ADAMTS15: variants seen among roughly 807,000 people sequenced by gnomAD.
The protein encoded by ADAMTS15 is A disintegrin and metalloproteinase with thrombospondin motifs 15.
ADAMTS15 carries 35 observed loss-of-function variants against 79.1 expected under a neutral mutation model. The ratio of observed to expected loss-of-function variants is 0.44; its 90% confidence interval spans 0.34 to 0.59. The LOEUF is 0.59. ADAMTS15 is among the 20% of genes least tolerant of loss of function. The pLI, the probability that ADAMTS15 is intolerant of heterozygous loss-of-function variation, is 0.02. For missense variants in ADAMTS15, 1,324 were observed against 1,318.7 expected (o/e 1.00, Z -0.06); for synonymous variants, 616 against 567.3 (o/e 1.09, Z -1.22).
At position 130,462,653 on chromosome 11, in the gene ADAMTS15, G is replaced by C. The variant is rs990709513; in HGVS notation, c.1415G>C (p.Gly472Ala). 1 of 1,613,666 alleles carries C rather than the reference G, an allele frequency of 6.2e-7. No individual in the cohort carries two copies. The highest frequency in any genetic ancestry group is 1.3e-5 in the African/African-American group (1 of 75,050). ...TACTGCACCAAGCTGTGGTGCACCG[G>C]GAAGGCCAAGGGACAGATGGTGTGC... ...MQYCTKLWCTGKAKGQMVCQT... is the reference protein window; with the variant it reads ...MQYCTKLWCTAKAKGQMVCQT... The change falls in exon 4 of 8, where the codon GGG becomes GCG. Residue 472 changes from glycine (G) to alanine (A), a missense_variant. Coordinates refer to ENST00000299164, the MANE Select transcript of ADAMTS15 (RefSeq NM_139055.4). The surrounding 1 kb of genome is among the most constrained non-coding windows in gnomAD (Gnocchi z 4.3).
Position 130,471,080 on chromosome 11 carries a change from C to T in ADAMTS15, c.1881C>T (p.Tyr627=). The change falls in exon 6 of 8, where the codon TAC becomes TAT. Residue 627 remains tyrosine, a synonymous_variant. Coordinates refer to ENST00000299164, the MANE Select transcript of ADAMTS15 (RefSeq NM_139055.4). ...KLICRANGTG[Y]FYVLAPKVVD... ...TCTGCCGAGCCAATGGCACTGGCTACTTCTATGTGCTGGCACCCAAGGTGA... is the reference window on the plus strand; with the variant it reads ...TCTGCCGAGCCAATGGCACTGGCTATTTCTATGTGCTGGCACCCAAGGTGA... 6.2e-7 allele frequency: 1 copy of T among 1,613,758 alleles called. No homozygotes were observed. Among genetic ancestry groups the T allele is most frequent in the Non-Finnish European group, 8.5e-7 (1 of 1,179,852 alleles).
At chr11:130,468,086 G>A (rs1938340372) in intron 4 of ADAMTS15, among the ~76,000 whole-genome samples, 1 of 152,164 alleles carries the variant, frequency 6.6e-6, no homozygotes, top group Non-Finnish European at 1.5e-5. Context: ...AACAAATAAA[G>A]GGAATCTTTT....
Position 130,476,332 on chromosome 11 carries a change from T to TCA in ADAMTS15, c.*2511_*2512insCA. The TCA allele has an allele frequency of 6.6e-6, 1 of 152,286 alleles. No individual in the cohort carries two copies. The highest frequency in any genetic ancestry group is 2.1e-4 in the South Asian group (1 of 4,812). The allele number at this position is 152,286 out of a possible 1,614,324, so 9.4% of individuals were successfully genotyped here. A position where few individuals can be genotyped will look rare whatever the true frequency, so the allele number is the denominator to read the frequency against. Reference sequence around the variant, plus strand: ...CTCCTCTGCCCATCGCGTGCACTGATTGGAGGAGTCTGGCCCAAACACTCT... The same window carrying TCA: ...CTCCTCTGCCCATCGCGTGCACTGATCATGGAGGAGTCTGGCCCAAACACTCT... On this transcript the variant is annotated 3_prime_UTR_variant, in exon 8 of 8. Transcript: ENST00000299164.
At position 130,473,964 on chromosome 11, in the gene ADAMTS15, G is replaced by A; in HGVS notation, c.*143G>A. The A allele has an allele frequency of 8.3e-7, 1 of 1,199,822 alleles. No individual in the cohort carries two copies. Among genetic ancestry groups the A allele is most frequent in the South Asian group, 1.6e-5 (1 of 62,906 alleles). 74.3% of individuals were successfully genotyped at this position (1,199,822 alleles called of 1,614,324 possible). ...TCCGGGGACAAGGACCATGGGCTGG[G>A]GCGAGAGGTTCCCTCCTCCTCCCTG... On this transcript the variant is annotated 3_prime_UTR_variant, in exon 8 of 8. Transcript: ENST00000299164.
intron 5 of ADAMTS15, among the ~76,000 whole-genome samples, chr11:130,470,174 A>ACACATG (rs1938411857): frequency 4.7e-5 from 3 of 63,598 alleles, no homozygotes; most frequent in African/African-American, 3.0e-4. Context: ...ATATATATAT[A>ACACATG]TATATATGTG....
chr11:130,470,144 A>ACATG (rs1938397112), intron 5 of ADAMTS15, among the ~76,000 whole-genome samples: 2 of 64,838 alleles, frequency 3.1e-5, no homozygotes, highest in Non-Finnish European at 5.8e-5. Context: ...ATATATATAT[A>ACATG]TATATATGTG....
intron 5 of ADAMTS15, among the ~76,000 whole-genome samples, chr11:130,470,138 A>ATGTATATATATATATG: frequency 3.0e-5 from 2 of 66,944 alleles, no homozygotes; most frequent in East Asian, 6.6e-4. Flanking sequence ...ATATACATAT[A>ATGTATATATATATATG]TATATATATA....
intron 1 of ADAMTS15, among the ~76,000 whole-genome samples, chr11:130,460,359 C>A (rs1180144362): frequency 6.6e-6 from 1 of 151,930 alleles, no homozygotes; most frequent in Non-Finnish European, 1.5e-5. Flanking sequence ...TCACTGCAAC[C>A]TCTGCCTCCC....
intron 5 of ADAMTS15, among the ~76,000 whole-genome samples, chr11:130,470,200 A>ATATATATATG (rs1565397917): frequency 1.8e-5 from 1 of 56,522 alleles, no homozygotes; most frequent in African/African-American, 8.0e-5. Context: ...ATATATATAT[A>ATATATATATG]TATATATATG....
chr11:130,457,930 G>A (rs1327666564), intron 1 of ADAMTS15, among the ~76,000 whole-genome samples: 2 of 152,176 alleles, frequency 1.3e-5, no homozygotes, highest in African/African-American at 4.8e-5. Context: ...CAAGACGGCT[G>A]CTTCCAGAGC....
chr11:130,469,530 C>G, intron 5 of ADAMTS15, 91 bp downstream of exon 5: 1 of 1,025,058 alleles, frequency 9.8e-7, no homozygotes, highest in Non-Finnish European at 1.3e-6. Context: ...AATGCATGGC[C>G]TCCAGGTAAT....
chr11:130,471,411 C>G, intron 7 of ADAMTS15, 28 bp downstream of exon 7: 1 of 1,588,718 alleles, frequency 6.3e-7, no homozygotes, highest in Middle Eastern at 1.7e-4. Flanking sequence ...AAGGTCCTGC[C>G]AGGGAGCAAA....
chr11:130,467,864 T>C (rs1336956201), intron 4 of ADAMTS15, among the ~76,000 whole-genome samples: 1 of 152,140 alleles, frequency 6.6e-6, no homozygotes, highest in Admixed American at 6.5e-5. Context: ...AATAATGTCT[T>C]ATCTTTATCT....
chr11:130,454,935 G>C (rs528053841), intron 1 of ADAMTS15, among the ~76,000 whole-genome samples: 2 of 151,926 alleles, frequency 1.3e-5, no homozygotes, highest in East Asian at 3.8e-4. Flanking sequence ...AGTTGTTTGC[G>C]TCCCCTCCCA....
chr11:130,471,951 G>A (rs1438009919), intron 7 of ADAMTS15, among the ~76,000 whole-genome samples: 1 of 152,226 alleles, frequency 6.6e-6, no homozygotes, highest in Non-Finnish European at 1.5e-5. Flanking sequence ...AGGTGAGAAT[G>A]GCAATAAACT....
In ADAMTS15 at chr11:130,470,158, A is replaced by ATATATATATATATATATATGTGTG. The variant is rs1565397659; in HGVS notation, c.1720+738_1720+739insGTGTGTATATATATATATATATAT. ...CATATATATATATATATATGTGTAT[A>ATATATATATATATATATATGTGTG]TATATATATATATATATATATATGT... On this transcript the variant is annotated intron_variant, in intron 5 of 7. Transcript: ENST00000299164. 8.2e-4 allele frequency among the ~76,000 whole-genome samples: 41 copies of ATATATATATATATATATATGTGTG among 50,016 alleles called. 2 individuals carry two copies. The highest frequency in any genetic ancestry group is 1.1e-3 in the Non-Finnish European group (28 of 26,334). The allele number at this position is 50,016 out of a possible 152,430, so 32.8% of individuals were successfully genotyped here.
intron 1 of ADAMTS15, among the ~76,000 whole-genome samples, chr11:130,454,592 G>A (rs1436527191): frequency 1.3e-5 from 2 of 152,166 alleles, no homozygotes; most frequent in African/African-American, 4.8e-5. Context: ...GAAGATATTA[G>A]GAGAGAGGTC....
In ADAMTS15 at chr11:130,449,311, C is replaced by G; in HGVS notation, c.338C>G (p.Ser113Trp). The change falls in exon 1 of 8, where the codon TCG (serine) becomes TGG (tryptophan). Residue 113 changes from serine (S) to tryptophan (W), a missense_variant. Coordinates refer to ENST00000299164, the MANE Select transcript of ADAMTS15 (RefSeq NM_139055.4). The surrounding 1 kb of genome is among the most constrained non-coding windows in gnomAD (Gnocchi z 7.8). The part of the protein sequence containing the change: ...YSGDVNAEPD[S>W]FAAVSLCGGL... ...GGGGACGTGAACGCCGAGCCGGACT[C>G]GTTCGCTGCTGTGAGCCTGTGCGGG... 3 of 1,610,738 alleles carry G rather than the reference C, an allele frequency of 1.9e-6. No homozygotes were observed. The East Asian group carries it at 6.7e-5, about 36-fold the overall frequency.
In ADAMTS15 at chr11:130,473,754, C is replaced by T; in HGVS notation, c.2786C>T (p.Ala929Val). 6.3e-7 allele frequency: 1 copy of T among 1,599,314 alleles called. No homozygotes were observed. The highest frequency in any genetic ancestry group is 1.7e-5 in the Admixed American group (1 of 60,016). ...KCVGHGGRLL[A>V]RDQCNLHRKP... ...GTGGGCCACGGAGGCCGGCTGCTGG[C>T]CCGGGACCAGTGCAACTTGCACCGC... The change falls in exon 8 of 8, where the codon GCC becomes GTC. Residue 929 changes from alanine (A) to valine (V), a missense_variant. Physicochemically the swap from Ala to Val is moderately conservative, Grantham distance 64. Coordinates refer to ENST00000299164, the MANE Select transcript of ADAMTS15 (RefSeq NM_139055.4).
Sources: allele counts gnomAD v4.1 joint callset (sites outside exome capture counted in the v4.1 genomes callset), GRCh38; gene constraint gnomAD v4.1.1; non-coding constraint Gnocchi (gnomAD v3.1); transcripts MANE v1.5; gene names NCBI Gene and HGNC (gene_info 2026-07-23, HGNC 2026-07-21).